Variants in BLTP1 observed in about 807,000 individuals in gnomAD.
BLTP1 encodes the protein fragile site-associated protein.
the BLTP1 span, among the ~76,000 whole-genome samples, chr4:122,323,958 A>T: frequency 6.6e-6 from 1 of 151,940 alleles, no homozygotes; most frequent in Non-Finnish European, 1.5e-5. Flanking sequence ...TAGAAGAGGG[A>T]CTTAGAGACA....
At chr4:122,267,033 A>G in the BLTP1 span, 4 of 565,722 alleles carry the variant, frequency 7.1e-6, no homozygotes, top group East Asian at 1.3e-4. Flanking sequence ...ACTTTCGTGT[A>G]ATCCAAATAA....
chr4:122,302,004 A>T, the BLTP1 span: 1 of 156,760 alleles, frequency 6.4e-6, no homozygotes, highest in Non-Finnish European at 1.4e-5. Flanking sequence ...CTGGAAGTTC[A>T]AGGCTACAGT....
chr4:122,169,814 G>C, the BLTP1 span: 1 of 985,152 alleles, frequency 1.0e-6, no homozygotes, highest in South Asian at 4.7e-5. Flanking sequence ...TCTCTTTACT[G>C]TTCAGACTAC....
chr4:122,246,983 T>A, the BLTP1 span: 2 of 874,214 alleles, frequency 2.3e-6, no homozygotes, highest in Admixed American at 1.2e-4. Context: ...CTTTAAAAAA[T>A]TTTTACTGTT....
At chr4:122,296,032 A>G in the BLTP1 span, among the ~76,000 whole-genome samples, 1 of 152,216 alleles carries the variant, frequency 6.6e-6, no homozygotes, top group Non-Finnish European at 1.5e-5. Flanking sequence ...CAAGACAAGA[A>G]TGCCCTCTCT....
At chr4:122,187,791 A>G in the BLTP1 span, 1 of 1,257,866 alleles carries the variant, frequency 7.9e-7, no homozygotes, top group South Asian at 1.6e-5. Flanking sequence ...TGGAATCATT[A>G]AGCTGTTGTT....
the BLTP1 span, among the ~76,000 whole-genome samples, chr4:122,295,375 C>T: frequency 3.3e-5 from 5 of 152,132 alleles, no homozygotes; most frequent in African/African-American, 9.6e-5. Context: ...AAGGCCAGGT[C>T]ACTTACAATG....
At chr4:122,255,994 A>G in the BLTP1 span, 4 of 923,582 alleles carry the variant, frequency 4.3e-6, no homozygotes, top group Non-Finnish European at 3.9e-6. Context: ...TGAAACAGGG[A>G]CTAATTGATG....
the BLTP1 span, chr4:122,269,558 C>A: frequency 1.0e-6 from 1 of 985,282 alleles, no homozygotes; most frequent in Non-Finnish European, 1.2e-6. Flanking sequence ...ATCTTAAGCT[C>A]TTATTTATTT....
chr4:122,293,700 G>A, the BLTP1 span, among the ~76,000 whole-genome samples: 4 of 152,120 alleles, frequency 2.6e-5, no homozygotes, highest in East Asian at 7.7e-4. Context: ...CTAGGAAGGA[G>A]GCTGAATCCA....
chr4:122,338,356 C>G, the BLTP1 span, among the ~76,000 whole-genome samples: 1 of 151,840 alleles, frequency 6.6e-6, no homozygotes, highest in East Asian at 1.9e-4. Flanking sequence ...ATCTGTGGTC[C>G]TAGCAACTTG....
chr4:122,353,237 C>A, the BLTP1 span: 1 of 1,542,686 alleles, frequency 6.5e-7, no homozygotes. The surrounding 1 kb of genome is among the most constrained non-coding windows in gnomAD (Gnocchi z 4.3). Flanking sequence ...TGAAGTCCAT[C>A]TCTGTTTGTT....
At chr4:122,333,987 G>A in the BLTP1 span, among the ~76,000 whole-genome samples, 2 of 152,030 alleles carry the variant, frequency 1.3e-5, no homozygotes, top group African/African-American at 2.4e-5. Flanking sequence ...CTTCATTTAT[G>A]TAGCATTTTC....
At chr4:122,337,282 T>C in the BLTP1 span, 2 of 413,868 alleles carry the variant, frequency 4.8e-6, no homozygotes, top group Admixed American at 4.7e-5. Flanking sequence ...ATGCATTTAA[T>C]ACACTTAACT....
chr4:122,186,417 C>T, the BLTP1 span, among the ~76,000 whole-genome samples: 2 of 151,784 alleles, frequency 1.3e-5, no homozygotes, highest in African/African-American at 2.4e-5. Flanking sequence ...AAAAAAGTCC[C>T]GTTCTATTCC....
At chr4:122,334,240 C>T in the BLTP1 span, 28 of 1,073,796 alleles carry the variant, frequency 2.6e-5, no homozygotes, top group Non-Finnish European at 3.6e-5. Flanking sequence ...AAAGTTAAAA[C>T]AGTCTTCTGA....
At chr4:122,250,063 G>A in the BLTP1 span, 1,170 of 820,156 alleles carry the variant, frequency 1.4e-3, 10 homozygotes, top group African/African-American at 0.021. Flanking sequence ...TATCTACTTA[G>A]AATTATATTT....
At chr4:122,328,658 G>A in the BLTP1 span, 1 of 982,940 alleles carries the variant, frequency 1.0e-6, no homozygotes, top group African/African-American at 1.8e-5. Context: ...GGAGAGGGCT[G>A]TATTCCTGTG....
the BLTP1 span, chr4:122,249,726 T>C: frequency 6.2e-7 from 1 of 1,604,390 alleles, no homozygotes; most frequent in Non-Finnish European, 8.5e-7. Flanking sequence ...GGGACAAATA[T>C]GTCCTATATT....
Sources: allele counts gnomAD v4.1 joint callset (sites outside exome capture counted in the v4.1 genomes callset), GRCh38; gene constraint gnomAD v4.1.1; non-coding constraint Gnocchi (gnomAD v3.1); transcripts MANE v1.5; gene names NCBI Gene and HGNC (gene_info 2026-07-23, HGNC 2026-07-21).